Variants in SLC39A11 observed in about 807,000 individuals in gnomAD.
SLC39A11 encodes zinc transporter ZIP11.
Under a neutral mutation model 36.1 loss-of-function variants are expected in SLC39A11, and 33 were observed. That is an observed-to-expected ratio of 0.91 (90% confidence interval 0.69 to 1.22). The LOEUF is 1.22. Ranked by LOEUF, SLC39A11 falls within the 50% of genes most tolerant of loss-of-function variation. The probability of loss-of-function intolerance (pLI) is 0.00; values close to 1 mark genes in which losing one functional copy is unlikely to be tolerated. For synonymous variants in SLC39A11, 166 were observed against 170.3 expected (o/e 0.97, Z 0.20); for missense variants, 432 against 430.3 (o/e 1.00, Z -0.03).
chr17:72,789,855 T>C (rs552520075), intron 6 of SLC39A11, among the ~76,000 whole-genome samples: 17 of 152,336 alleles, frequency 1.1e-4, no homozygotes, highest in African/African-American at 4.1e-4. Flanking sequence ...TCTGAATGAA[T>C]AATTCAGGAA....
At chr17:72,835,257 A>T (rs1279111307) in intron 6 of SLC39A11, among the ~76,000 whole-genome samples, 1 of 152,242 alleles carries the variant, frequency 6.6e-6, no homozygotes, top group Non-Finnish European at 1.5e-5. Flanking sequence ...AATGAGAAGC[A>T]TCTTCAAATG....
At chr17:72,908,089 C>T (rs1481988294) in intron 5 of SLC39A11, among the ~76,000 whole-genome samples, 3 of 152,174 alleles carry the variant, frequency 2.0e-5, no homozygotes, top group Non-Finnish European at 4.4e-5. Flanking sequence ...CTTTATTCTG[C>T]ATGTGCCACA....
At chr17:72,708,321 GAC>G (rs2072975904) in intron 7 of SLC39A11, among the ~76,000 whole-genome samples, 1 of 152,160 alleles carries the variant, frequency 6.6e-6, no homozygotes, top group African/African-American at 2.4e-5. Context: ...AGAACAAAAA[GAC>G]TGATCCACCA....
intron 4 of SLC39A11, among the ~76,000 whole-genome samples, chr17:72,950,109 T>C (rs1431799933): frequency 1.3e-5 from 2 of 152,206 alleles, no homozygotes; most frequent in East Asian, 1.9e-4. Context: ...TGAACACATA[T>C]GCCCTTCCTC....
intron 5 of SLC39A11, among the ~76,000 whole-genome samples, chr17:72,920,997 G>C (rs1170377886): frequency 1.3e-5 from 2 of 152,162 alleles, no homozygotes; most frequent in African/African-American, 4.8e-5. Flanking sequence ...TCCTCCACTG[G>C]AATGTCGGCT....
At chr17:72,740,877 C>T (rs566688337) in intron 6 of SLC39A11, among the ~76,000 whole-genome samples, 5 of 152,240 alleles carry the variant, frequency 3.3e-5, no homozygotes, top group Admixed American at 1.3e-4. Flanking sequence ...CAGGTTCAAG[C>T]GATTCTCCTG....
At chr17:73,059,654 CA>C (rs57518384) in intron 3 of SLC39A11, among the ~76,000 whole-genome samples, 103,809 of 127,908 alleles carry the variant, frequency 0.81, 41,203 homozygotes, top group East Asian at 0.93. Flanking sequence ...AAACTGTCTC[CA>C]AAAAAAAAAA....
At chr17:72,900,314 G>A (rs968266804) in intron 5 of SLC39A11, among the ~76,000 whole-genome samples, 2 of 152,176 alleles carry the variant, frequency 1.3e-5, no homozygotes, top group African/African-American at 2.4e-5. Flanking sequence ...GAGCAAGGAT[G>A]TCAACAAAGG....
At chr17:73,071,215 G>A (rs1242555866) in intron 3 of SLC39A11, among the ~76,000 whole-genome samples, 1 of 152,186 alleles carries the variant, frequency 6.6e-6, no homozygotes, top group African/African-American at 2.4e-5. Flanking sequence ...CTAGACTACA[G>A]ATGCTAGCGA....
At chr17:73,014,404 T>G (rs1169909855) in intron 4 of SLC39A11, among the ~76,000 whole-genome samples, 1 of 152,114 alleles carries the variant, frequency 6.6e-6, no homozygotes, top group African/African-American at 2.4e-5. Context: ...ATGCCTGTAA[T>G]CCAGCACTTT....
intron 5 of SLC39A11, among the ~76,000 whole-genome samples, chr17:72,905,527 A>T (rs1308424800): frequency 6.6e-6 from 1 of 151,164 alleles, no homozygotes; most frequent in African/African-American, 2.4e-5. Context: ...AACCTGGGGG[A>T]CGGAGGTTGC....
intron 7 of SLC39A11, among the ~76,000 whole-genome samples, chr17:72,700,384 G>A (rs2072552392): frequency 6.6e-6 from 1 of 152,228 alleles, no homozygotes; most frequent in Non-Finnish European, 1.5e-5. Flanking sequence ...CAGTTTGAAG[G>A]AAACCTAAAA....
rs1194351316 is a variant in SLC39A11 at position 72,824,143 on chromosome 17, G to C, written c.601+25491C>G. 2.6e-5 allele frequency among the ~76,000 whole-genome samples: 4 copies of C among 151,400 alleles called. 1 individual carries two copies. The highest frequency in any genetic ancestry group is 5.9e-5 in the Non-Finnish European group (4 of 67,498). On this transcript the variant is annotated intron_variant, in intron 6 of 9. Coordinates refer to ENST00000255559, the MANE Select transcript of SLC39A11 (RefSeq NM_139177.4). The stretch of plus-strand genomic sequence containing the variant: ...TGTAATACCCAATGTTGGAGGAGGG[G>C]CCCGGTGGGAGGTGACTGGATCATA...
intron 6 of SLC39A11, among the ~76,000 whole-genome samples, chr17:72,824,530 TAAAA>T (rs1164267921): frequency 6.6e-6 from 1 of 151,234 alleles, no homozygotes; most frequent in Non-Finnish European, 1.5e-5. Flanking sequence ...TGGAACTGGG[TAAAA>T]GGCAGAGGTT....
At chr17:72,669,707 A>G (rs933619872) in intron 7 of SLC39A11, among the ~76,000 whole-genome samples, 2 of 152,098 alleles carry the variant, frequency 1.3e-5, no homozygotes, top group Non-Finnish European at 2.9e-5. Flanking sequence ...CAATATGCCA[A>G]TATCAGCCAG....
At chr17:73,088,891 T>G (rs1307577073) in intron 1 of SLC39A11, 116 bp from the exon 2 acceptor site, 3 of 718,094 alleles carry the variant, frequency 4.2e-6, no homozygotes, top group Non-Finnish European at 7.3e-6. Flanking sequence ...GTTGACCGTA[T>G]GCACCCTTCC....
intron 5 of SLC39A11, among the ~76,000 whole-genome samples, chr17:72,946,035 G>A (rs1345558822): frequency 1.3e-5 from 2 of 152,196 alleles, no homozygotes; most frequent in East Asian, 3.8e-4. Flanking sequence ...GAACCCAGGA[G>A]CCCAGCGCAG....
intron 4 of SLC39A11, among the ~76,000 whole-genome samples, chr17:72,991,037 T>G (rs1190363480): frequency 6.6e-6 from 1 of 152,202 alleles, no homozygotes; most frequent in African/African-American, 2.4e-5. Context: ...GTACAGAGAA[T>G]AACAAGATGT....
chr17:72,831,178 C>G (rs2078270183), intron 6 of SLC39A11, among the ~76,000 whole-genome samples: 1 of 151,838 alleles, frequency 6.6e-6, no homozygotes, highest in African/African-American at 2.4e-5. Flanking sequence ...CCTAACATCT[C>G]TGAGACAGAA....
Sources: gnomAD v4.1 joint callset for allele counts (sites outside exome capture counted in the v4.1 genomes callset) on GRCh38, gnomAD v4.1.1 for gene constraint, MANE v1.5 for transcripts, NCBI Gene and HGNC (gene_info 2026-07-23, HGNC 2026-07-21) for gene names.